The following SRGAP2 variants were observed in gnomAD, a reference collection of about 807,000 sequenced individuals.
SRGAP2 encodes SLIT-ROBO Rho GTPase-activating protein 2.
A neutral mutation model predicts 57.2 loss-of-function variants in SRGAP2; 15 were observed. The observed-to-expected ratio is 0.26, with a 90% CI of 0.18 to 0.40. The LOEUF (loss-of-function observed/expected upper bound fraction) is 0.40, where lower values mean the gene tolerates loss of function less well. Among genes scored for constraint, SRGAP2 ranks in the 10% least tolerant of loss-of-function variants. SRGAP2 has a pLI of 1.00. For synonymous variants in SRGAP2, 249 were observed against 248.0 expected, an observed-to-expected ratio of 1.00 and a Z score of -0.04; for missense variants, 520 against 669.6, an observed-to-expected ratio of 0.78 and a Z score of 2.47.
At chr1:206,385,240 C>T (rs1303561482) in intron 5 of SRGAP2, among the ~76,000 whole-genome samples, 3 of 143,686 alleles carry the variant, frequency 2.1e-5, no homozygotes, top group Non-Finnish European at 4.5e-5. Context: ...TGGTACCTTT[C>T]GTTCAACTCC....
chr1:206,300,847 G>T lies in SRGAP2; in HGVS notation c.68-2434G>T, dbSNP rs1248846614. On this transcript the variant is annotated intron_variant, in intron 2 of 22. Coordinates refer to ENST00000573034, the MANE Select transcript of SRGAP2 (RefSeq NM_015326.5). The stretch of plus-strand genomic sequence containing the variant: ...CCTCTCTTTTTTTGGCAGAGGGTGG[G>T]TGTCATCCAACTAACTATTCCTTTC... Among the ~76,000 whole-genome samples, 4 of 150,594 alleles carry T rather than the reference G, an allele frequency of 2.7e-5. No individual in the cohort carries two copies. The East Asian group carries it at 7.8e-4, about 30-fold the overall frequency.
chr1:206,257,123 C>A (rs1571695755), intron 2 of SRGAP2, among the ~76,000 whole-genome samples: 1 of 106,508 alleles, frequency 9.4e-6, no homozygotes, highest in Admixed American at 1.0e-4. Context: ...AGTGGGGAAC[C>A]ATGGAAATAT....
chr1:206,407,602 G>A, intron 10 of SRGAP2: 1 of 139,210 alleles, frequency 7.2e-6, no homozygotes. Context: ...CTGCTAAAAG[G>A]GAATGATATA....
chr1:206,452,922 G>T (rs2103393918), intron 19 of SRGAP2, among the ~76,000 whole-genome samples: 1 of 149,520 alleles, frequency 6.7e-6, no homozygotes, highest in South Asian at 2.1e-4. Context: ...GGATGCTTGA[G>T]TTGTGTTTTG....
At chr1:206,350,967 A>G (rs1553338059) in intron 4 of SRGAP2, among the ~76,000 whole-genome samples, 18 of 151,644 alleles carry the variant, frequency 1.2e-4, no homozygotes, top group Non-Finnish European at 3.0e-5. Flanking sequence ...AATTGCCACA[A>G]CAGTCAGATT....
intron 2 of SRGAP2, among the ~76,000 whole-genome samples, chr1:206,277,170 G>T (rs1445124068): frequency 1.4e-5 from 2 of 146,716 alleles, no homozygotes; most frequent in African/African-American, 5.0e-5. Context: ...TCTCCATGTT[G>T]TTCAGGCCAT....
chr1:206,234,584 C>T (rs1240872113), intron 2 of SRGAP2, among the ~76,000 whole-genome samples: 1 of 152,224 alleles, frequency 6.6e-6, no homozygotes, highest in Non-Finnish European at 1.5e-5. Context: ...TTTTGTCTAC[C>T]AGCAAAGCTG....
chr1:206,217,256 G>A (rs1189422709), intron 2 of SRGAP2, among the ~76,000 whole-genome samples: 1 of 152,082 alleles, frequency 6.6e-6, no homozygotes, highest in Non-Finnish European at 1.5e-5. Context: ...CTTGTCAGAT[G>A]AGTAAGCTGC....
At chr1:206,422,396 T>G (rs1370939077) in intron 13 of SRGAP2, among the ~76,000 whole-genome samples, 2 of 152,200 alleles carry the variant, frequency 1.3e-5, no homozygotes, top group Admixed American at 1.3e-4. Context: ...TTATAAAAAT[T>G]TAATTGCAAG....
intron 14 of SRGAP2, among the ~76,000 whole-genome samples, chr1:206,431,118 G>T (rs782441763): frequency 1.3e-5 from 2 of 151,984 alleles, no homozygotes; most frequent in South Asian, 4.2e-4. Context: ...CTGTAAACTG[G>T]GACATTGCTC....
chr1:206,307,716 C>T lies in SRGAP2; in HGVS notation c.260+4243C>T, dbSNP rs1282078146. On this transcript the variant is annotated intron_variant, in intron 3 of 22. Coordinates refer to ENST00000573034, the MANE Select transcript of SRGAP2 (RefSeq NM_015326.5). The stretch of plus-strand genomic sequence containing the variant: ...CCCGGGTGCTAAGTCCCCCATTGCC[C>T]GGGGCCAGCAGGGCTGGCCGGCTGC... Among the ~76,000 whole-genome samples the T allele has an allele frequency of 1.3e-3, 201 of 152,354 alleles. 1 individual carries two copies. Among genetic ancestry groups the T allele is most frequent in the African/African-American group, 4.4e-3 (185 of 41,586 alleles).
At chr1:206,435,391 AT>A (rs1661638491) in intron 14 of SRGAP2, among the ~76,000 whole-genome samples, 1 of 152,216 alleles carries the variant, frequency 6.6e-6, no homozygotes, top group East Asian at 1.9e-4. Context: ...TAACAGAGGG[AT>A]TTTGACAGAA....
At chr1:206,249,830 T>C (rs1283906919) in intron 2 of SRGAP2, among the ~76,000 whole-genome samples, 1 of 150,080 alleles carries the variant, frequency 6.7e-6, no homozygotes, top group Non-Finnish European at 1.5e-5. Context: ...ATATTTCCTA[T>C]TTGATGTCTG....
chr1:206,363,706 G>A (rs2102999475), intron 4 of SRGAP2, among the ~76,000 whole-genome samples: 1 of 152,064 alleles, frequency 6.6e-6, no homozygotes, highest in Admixed American at 6.5e-5. Context: ...CCTCAATTTT[G>A]GTTTGTTTGG....
chr1:206,326,994 C>T (rs1462543366), intron 3 of SRGAP2, among the ~76,000 whole-genome samples: 1 of 152,040 alleles, frequency 6.6e-6, no homozygotes, highest in Non-Finnish European at 1.5e-5. Context: ...TGCCCCTGTA[C>T]TCCAACCTGG....
intron 3 of SRGAP2, among the ~76,000 whole-genome samples, chr1:206,336,193 T>A (rs1262621572): frequency 1.8e-5 from 2 of 111,780 alleles, no homozygotes; most frequent in African/African-American, 7.1e-5. Flanking sequence ...ATTTAGGCTA[T>A]TTTGAGAAGG....
intron 2 of SRGAP2, among the ~76,000 whole-genome samples, chr1:206,253,401 C>T (rs1418810611): frequency 6.6e-6 from 1 of 151,156 alleles, no homozygotes; most frequent in Non-Finnish European, 1.5e-5. Flanking sequence ...CTCTCTCTTG[C>T]CCTTCTGCCT....
intron 3 of SRGAP2, among the ~76,000 whole-genome samples, chr1:206,305,873 GT>G (rs1197139975): frequency 6.6e-6 from 1 of 152,034 alleles, no homozygotes; most frequent in Non-Finnish European, 1.5e-5. Flanking sequence ...TCCTCCAGAG[GT>G]TTTTTTCCTC....
chr1:206,251,623 G>A (rs527610232), intron 2 of SRGAP2, among the ~76,000 whole-genome samples: 1 of 151,248 alleles, frequency 6.6e-6, no homozygotes, highest in Non-Finnish European at 1.5e-5. Context: ...ACTCATGGGA[G>A]CCCTTGATCT....
Sources: gnomAD v4.1 joint callset for allele counts (sites outside exome capture counted in the v4.1 genomes callset) on GRCh38, gnomAD v4.1.1 for gene constraint, MANE v1.5 for transcripts, NCBI Gene and HGNC (gene_info 2026-07-23, HGNC 2026-07-21) for gene names.